The following NRG4 variants were observed in gnomAD, a reference collection of about 807,000 sequenced individuals.
The protein encoded by NRG4 is pro-neuregulin-4, membrane-bound isoform.
In NRG4, 10 loss-of-function variants were observed where a neutral mutation model predicts 15.0. That is an observed-to-expected ratio of 0.67 (90% CI 0.41 to 1.13). The LOEUF (loss-of-function observed/expected upper bound fraction) is 1.13. Among genes scored for constraint, NRG4 ranks in the 50% most tolerant of loss-of-function variants. The pLI is 0.00. For missense variants in NRG4, 139 were observed against 140.2 expected (o/e 0.99, Z 0.04); for synonymous variants, 41 against 50.1 (o/e 0.82, Z 0.77).
intron 2 of NRG4, among the ~76,000 whole-genome samples, chr15:76,055,500 G>T (rs557316217): frequency 6.6e-6 from 1 of 152,172 alleles, no homozygotes; most frequent in South Asian, 2.1e-4. Context: ...GGACCACCAG[G>T]GTTGCGAACA....
intron 3 of NRG4, among the ~76,000 whole-genome samples, chr15:76,002,557 T>C (rs1490438810): frequency 6.6e-6 from 1 of 152,090 alleles, no homozygotes; most frequent in East Asian, 1.9e-4. Flanking sequence ...TAAAAGAGAC[T>C]ATCGGATTGA....
At chr15:76,020,284 G>A (rs1366040031) in intron 5 of NRG4, among the ~76,000 whole-genome samples, 2 of 152,174 alleles carry the variant, frequency 1.3e-5, no homozygotes, top group African/African-American at 4.8e-5. Flanking sequence ...AAGTAAAAGG[G>A]AGAGCTGCAT....
intron 4 of NRG4, among the ~76,000 whole-genome samples, chr15:76,045,488 A>C (rs1352003064): frequency 6.6e-6 from 1 of 151,148 alleles, no homozygotes; most frequent in Non-Finnish European, 1.5e-5. Flanking sequence ...TGTTTACTGC[A>C]GCACTATTCG....
chr15:76,004,621 T>G (rs901916436), intron 3 of NRG4, among the ~76,000 whole-genome samples: 4 of 151,594 alleles, frequency 2.6e-5, no homozygotes, highest in Non-Finnish European at 5.9e-5. Flanking sequence ...AAAAAAATTT[T>G]TTTTTACTAT....
chr15:76,021,333 A>G (rs1464733774), intron 5 of NRG4, among the ~76,000 whole-genome samples: 2 of 152,244 alleles, frequency 1.3e-5, no homozygotes, highest in East Asian at 3.8e-4. Context: ...ATTTTTTAAC[A>G]ATAAAGTATT....
chr15:75,957,365 T>C (rs2032290865), intron 4 of NRG4, among the ~76,000 whole-genome samples: 1 of 152,200 alleles, frequency 6.6e-6, no homozygotes, highest in South Asian at 2.1e-4. Flanking sequence ...TCCTGAGAGA[T>C]GTTTTCACTG....
In NRG4 at chr15:76,049,189, C is replaced by A. The variant is rs1036835500; in HGVS notation, c.-105+2878G>T. On this transcript the variant is annotated intron_variant, in intron 4 of 8. Coordinates refer to the NRG4 transcript ENST00000563910. ...CTGGGGTAATTATCATCCCCTTCCA[C>A]CTGCAACACACATACATACACACAC... 3.3e-5 allele frequency among the ~76,000 whole-genome samples: 5 copies of A among 150,662 alleles called. 1 individual carries two copies. Among genetic ancestry groups the A allele is most frequent in the African/African-American group, 7.4e-5 (3 of 40,300 alleles).
intron 4 of NRG4, among the ~76,000 whole-genome samples, chr15:76,037,848 G>C (rs1305168772): frequency 2.0e-5 from 3 of 152,182 alleles, no homozygotes; most frequent in Admixed American, 1.3e-4. Context: ...CTTTCCGCTT[G>C]AGAGGAGAGA....
intron 2 of NRG4, 104 bp from the exon 3 acceptor site, chr15:76,009,397 A>G (rs1596019712): frequency 1.8e-6 from 1 of 552,620 alleles, no homozygotes; most frequent in African/African-American, 2.0e-5. Context: ...AATTCTGAAA[A>G]TCAGAATGAA....
chr15:76,045,458 A>G lies in NRG4; in HGVS notation c.-105+6609T>C, dbSNP rs542502784. Among the ~76,000 whole-genome samples the G allele has an allele frequency of 2.1e-4, 31 of 149,988 alleles. 1 individual carries two copies. The highest frequency in any genetic ancestry group is 7.7e-4 in the African/African-American group (31 of 40,076). On this transcript the variant is annotated intron_variant, in intron 4 of 8. Transcript: ENST00000563910. Reference sequence around the variant, plus strand: ...CAAAAGAAAGGAAGTCAGTACATCAAAGAGATATCTACACTCCCATGTTTA... The same window carrying G: ...CAAAAGAAAGGAAGTCAGTACATCAGAGAGATATCTACACTCCCATGTTTA...
chr15:76,029,136 G>C (rs2035401576), intron 5 of NRG4, among the ~76,000 whole-genome samples: 1 of 151,982 alleles, frequency 6.6e-6, no homozygotes, highest in Non-Finnish European at 1.5e-5. Context: ...ATGCAAGTAT[G>C]GTTCAACATA....
intron 3 of NRG4, among the ~76,000 whole-genome samples, chr15:75,992,134 G>C (rs992666509): frequency 2.0e-5 from 3 of 152,150 alleles, no homozygotes; most frequent in African/African-American, 7.2e-5. Flanking sequence ...CAACTATATT[G>C]TTCCCTTTAC....
chr15:75,990,967 C>T (rs901640177), intron 3 of NRG4, among the ~76,000 whole-genome samples: 2 of 152,220 alleles, frequency 1.3e-5, no homozygotes, highest in Admixed American at 6.5e-5. Context: ...CGAGCCACCA[C>T]ACTCAGCCGG....
intron 5 of NRG4, 145 bp downstream of exon 5, chr15:75,955,787 C>T (rs1417654690): frequency 6.2e-6 from 3 of 483,718 alleles, no homozygotes; most frequent in Non-Finnish European, 1.1e-5. Context: ...AAAAGGGTAC[C>T]TGGCCAAAAA....
intron 3 of NRG4, among the ~76,000 whole-genome samples, chr15:75,995,045 G>A (rs1446356604): frequency 6.6e-6 from 1 of 151,940 alleles, no homozygotes; most frequent in Non-Finnish European, 1.5e-5. Flanking sequence ...AAAAATTAGA[G>A]GGCATGGTGG....
chr15:75,946,343 CTTTTTGTTTGT>C (rs2031503989), intron 5 of NRG4, among the ~76,000 whole-genome samples: 1 of 152,068 alleles, frequency 6.6e-6, no homozygotes, highest in South Asian at 2.1e-4. Context: ...ATCTCCAGAA[CTTTTTGTTTGT>C]TTTGTTTGAT....
At chr15:75,957,815 T>C (rs1168954650) in intron 4 of NRG4, among the ~76,000 whole-genome samples, 3 of 152,174 alleles carry the variant, frequency 2.0e-5, no homozygotes, top group African/African-American at 7.2e-5. Context: ...ACCCTCTGGG[T>C]AATTTTTTCC....
At chr15:76,051,856 C>T (rs1039649619) in intron 4 of NRG4, among the ~76,000 whole-genome samples, 7 of 150,906 alleles carry the variant, frequency 4.6e-5, no homozygotes, top group Non-Finnish European at 1.0e-4. Context: ...CAGGCGTGAG[C>T]CACCGTGCCC....
At position 76,005,637 on chromosome 15, in the gene NRG4, G is replaced by A. The variant is rs117278360; in HGVS notation, c.104+3563C>T. On this transcript the variant is annotated intron_variant, in intron 3 of 5. Coordinates refer to ENST00000394907, the MANE Select transcript of NRG4 (RefSeq NM_138573.4). ...TGGGGGGTGGAGGTTACAGTGAGCC[G>A]AGATCGCCCTACTGTACTCCAGCCA... 1.4e-3 allele frequency: 359 copies of A among 264,156 alleles called. 9 individuals are homozygous for A. The East Asian group carries it at 0.028, about 21-fold the overall frequency. The allele number at this position is 264,156 out of a possible 1,614,324, so 16.4% of individuals were successfully genotyped here. A position where few individuals can be genotyped will look rare whatever the true frequency, so the allele number is the denominator to read the frequency against.
Sources: allele counts gnomAD v4.1 joint callset (sites outside exome capture counted in the v4.1 genomes callset), GRCh38; gene constraint gnomAD v4.1.1; transcripts MANE v1.5; gene names NCBI Gene and HGNC (gene_info 2026-07-23, HGNC 2026-07-21).